The following ISG20 variants were observed in gnomAD, a reference collection of about 807,000 sequenced individuals.
The protein encoded by ISG20 is interferon-stimulated gene 20 kDa protein.
In ISG20, 8 loss-of-function variants were observed where a neutral mutation model predicts 11.1. The ratio of observed to expected loss-of-function variants is 0.72; its 90% CI spans 0.42 to 1.30. The LOEUF (loss-of-function observed/expected upper bound fraction) is 1.30. Among genes scored for constraint, ISG20 ranks in the 50% most tolerant of loss-of-function variants. The probability of loss-of-function intolerance (pLI) is 0.01; values close to 1 mark genes in which losing one functional copy is unlikely to be tolerated. For synonymous variants in ISG20, 110 were observed against 101.7 expected (o/e 1.08, Z -0.49); for missense variants, 243 against 250.2 (o/e 0.97, Z 0.19).
chr15:88,654,531 C>T (rs538692560), intron 3 of ISG20, among the ~76,000 whole-genome samples: 4 of 152,218 alleles, frequency 2.6e-5, no homozygotes, highest in East Asian at 1.9e-4. Flanking sequence ...TCCAACAGCC[C>T]GCTGGCTCCC....
chr15:88,655,556 G>A lies in ISG20; in HGVS notation c.*25G>A. On this transcript the variant is annotated 3_prime_UTR_variant, in exon 4 of 4. Transcript: ENST00000306072. ...AAGCCCCATCCAGCCCGTTCCGCAG[G>A]GACTAGAGGCTTTCGGCTTTTTGGG... 2 of 1,556,890 alleles carry A rather than the reference G, an allele frequency of 1.3e-6. No homozygotes were observed. Among genetic ancestry groups the A allele is most frequent in the Non-Finnish European group, 1.7e-6 (2 of 1,145,226 alleles).
At chr15:88,654,141 G>C (rs534988897) in intron 3 of ISG20, among the ~76,000 whole-genome samples, 1 of 152,152 alleles carries the variant, frequency 6.6e-6, no homozygotes, top group African/African-American at 2.4e-5. Flanking sequence ...GGTAATAAAG[G>C]GTGCTGGTGC....
chr15:88,642,457 T>G (rs922383305), intron 2 of ISG20, among the ~76,000 whole-genome samples: 1 of 152,206 alleles, frequency 6.6e-6, no homozygotes, highest in African/African-American at 2.4e-5. Flanking sequence ...AGATGGAATA[T>G]GGGACAACTG....
In ISG20 at chr15:88,643,401, T is replaced by C. The variant is rs1596047945; in HGVS notation, c.228+3807T>C. ...TACGTTTTGAAACATGGCTGTTGGGTGATATAAAATTACATTTGTGGGCCA... is the reference window on the plus strand; with the variant it reads ...TACGTTTTGAAACATGGCTGTTGGGCGATATAAAATTACATTTGTGGGCCA... On this transcript the variant is annotated intron_variant, in intron 2 of 3. Transcript: ENST00000306072. The surrounding 1 kb of genome is among the most constrained non-coding windows in gnomAD (Gnocchi z 4.4). 6.6e-6 allele frequency among the ~76,000 whole-genome samples: 1 copy of C among 151,926 alleles called. No individual in the cohort carries two copies. Among genetic ancestry groups the C allele is most frequent in the African/African-American group, 2.4e-5 (1 of 41,394 alleles).
rs1364178222 is a variant in ISG20 at position 88,643,527 on chromosome 15, A to T, written c.228+3933A>T. On this transcript the variant is annotated intron_variant, in intron 2 of 3. Coordinates refer to ENST00000306072, the MANE Select transcript of ISG20 (RefSeq NM_002201.6). This position sits in a 1 kb window ranked among gnomAD's most constrained non-coding sequence, Gnocchi z 4.4. ...AAGACCAGCCTGGCCAACATGGTGA[A>T]AACCCATCTCTACTGAAAATGCAAA... Among the ~76,000 whole-genome samples, 2 of 152,100 alleles carry T rather than the reference A, an allele frequency of 1.3e-5. No homozygotes were observed. The highest frequency in any genetic ancestry group is 2.9e-5 in the Non-Finnish European group (2 of 68,022).
rs1166483506 is a variant in ISG20 at position 88,639,084 on chromosome 15, C to T, written c.-25+8C>T. On this transcript the variant is annotated splice_region_variant and intron_variant, in intron 1 of 3. Transcript: ENST00000306072. This position sits in a 1 kb window ranked among gnomAD's most constrained non-coding sequence, Gnocchi z 4.2. ...GGGCGCAGAGGCAGGCAGGTGAGAG[C>T]GGGAGCTGGAGCAGCAGCTGGGGAG... 3.8e-6 allele frequency: 2 copies of T among 530,010 alleles called. No individual in the cohort carries two copies. Among genetic ancestry groups the T allele is most frequent in the Non-Finnish European group, 6.7e-6 (2 of 297,488 alleles). 32.8% of individuals were successfully genotyped at this position (530,010 alleles called of 1,614,324 possible).
In ISG20 at chr15:88,639,111, C is replaced by T. The variant is rs2058034200; in HGVS notation, c.-25+35C>T. On this transcript the variant is annotated intron_variant, in intron 1 of 3. Coordinates refer to ENST00000306072, the MANE Select transcript of ISG20 (RefSeq NM_002201.6). The surrounding 1 kb of genome is among the most constrained non-coding windows in gnomAD (Gnocchi z 4.2). ...GGAGCTGGAGCAGCAGCTGGGGAGGCAGCGGGAGGGGCCTTCCCGGTCCCC... is the reference window on the plus strand; with the variant it reads ...GGAGCTGGAGCAGCAGCTGGGGAGGTAGCGGGAGGGGCCTTCCCGGTCCCC... The T allele has an allele frequency of 5.4e-6, 3 of 554,564 alleles. No individual in the cohort carries two copies. The highest frequency in any genetic ancestry group is 6.8e-5 in the Admixed American group (2 of 29,366). The allele number at this position is 554,564 out of a possible 1,614,324, so 34.4% of individuals were successfully genotyped here.
Position 88,639,380 on chromosome 15 carries a change from G to C in ISG20, c.14G>C (p.Arg5Pro), listed in dbSNP as rs202155196. 158 of 1,612,428 alleles carry C rather than the reference G, an allele frequency of 9.8e-5. No individual in the cohort carries two copies. Among genetic ancestry groups the C allele is most frequent in the Non-Finnish European group, 1.3e-4 (155 of 1,179,150 alleles). The change falls in exon 2 of 4, where the codon CGT becomes CCT. Residue 5 changes from arginine (R) to proline (P), a missense_variant. Physicochemically the swap from Arg to Pro is moderately radical, Grantham distance 103. Coordinates refer to ENST00000306072, the MANE Select transcript of ISG20 (RefSeq NM_002201.6). This position sits in a 1 kb window ranked among gnomAD's most constrained non-coding sequence, Gnocchi z 4.2. ...TCCCCAAGGAACATGGCTGGGAGCCGTGAGGTGGTGGCCATGGACTGCGAG... is the reference window on the plus strand; with the variant it reads ...TCCCCAAGGAACATGGCTGGGAGCCCTGAGGTGGTGGCCATGGACTGCGAG... MAGS[R>P]EVVAMDCEMV...
At chr15:88,637,856 A>C (rs2058010046), upstream of ISG20, among the ~76,000 whole-genome samples, 1 of 152,212 alleles carries the variant, frequency 6.6e-6, no homozygotes, top group Non-Finnish European at 1.5e-5. Flanking sequence ...AAATCAGGGT[A>C]ACCTTTATGC....
intron 3 of ISG20, among the ~76,000 whole-genome samples, 197 bp downstream of exon 3, chr15:88,652,507 CCCCTCCTCCTT>C (rs2058301288): frequency 7.1e-5 from 1 of 14,170 alleles, no homozygotes; most frequent in African/African-American, 2.9e-4. Flanking sequence ...CCTCCTCCTT[CCCCTCCTCCTT>C]CCCCTCCTCC....
chr15:88,640,315 C>T (rs974342003), intron 2 of ISG20, among the ~76,000 whole-genome samples: 4 of 152,204 alleles, frequency 2.6e-5, no homozygotes, highest in African/African-American at 9.6e-5. Flanking sequence ...CAGCAGCACA[C>T]ACCCAATCCG....
At chr15:88,636,492 A>G (rs567928017), upstream of ISG20, among the ~76,000 whole-genome samples, 9 of 152,292 alleles carry the variant, frequency 5.9e-5, no homozygotes, top group East Asian at 9.7e-4. Flanking sequence ...AACAAGTAAA[A>G]TACAGTTTCA....
intron 2 of ISG20, among the ~76,000 whole-genome samples, chr15:88,642,382 CAT>C (rs1056957841): frequency 6.6e-6 from 1 of 152,220 alleles, no homozygotes; most frequent in African/African-American, 2.4e-5. Context: ...AGGATTTTAA[CAT>C]ATGAATTTGA....
In ISG20 at chr15:88,652,225, T is replaced by G; in HGVS notation, c.344T>G (p.Leu115Arg). Residue 115 changes from leucine (L) to arginine (R), a missense_variant, in exon 3 of 4, where the codon CTG (leucine) becomes CGG (arginine). Transcript: ENST00000306072. ...YTIYDTSTDR[L>R]LWREAKLDHC... ...ATCTACGACACGTCCACTGACAGGC[T>G]GTTGTGGCGTGAGGCCAAGCTGGAC... 4.3e-6 allele frequency: 7 copies of G among 1,614,028 alleles called. No individual in the cohort carries two copies. Among genetic ancestry groups the G allele is most frequent in the Non-Finnish European group, 5.9e-6 (7 of 1,179,966 alleles).
upstream of ISG20, among the ~76,000 whole-genome samples, chr15:88,638,374 G>A (rs923341049): frequency 6.6e-6 from 1 of 152,220 alleles, no homozygotes; most frequent in African/African-American, 2.4e-5. Flanking sequence ...TGGACCCAAG[G>A]AAGTGTGGCC....
intron 2 of ISG20, among the ~76,000 whole-genome samples, chr15:88,644,854 G>A (rs1017742089): frequency 2.0e-5 from 3 of 152,142 alleles, no homozygotes; most frequent in African/African-American, 7.2e-5. Context: ...AGACAGAAAG[G>A]GGCAGAGGAG....
At chr15:88,647,997 C>T (rs1361207449) in intron 2 of ISG20, 1 of 152,166 alleles carries the variant, frequency 6.6e-6, no homozygotes, top group Non-Finnish European at 1.5e-5. Flanking sequence ...CCAGATTTGC[C>T]CCAGGGTAAG....
intron 2 of ISG20, among the ~76,000 whole-genome samples, chr15:88,641,371 C>T (rs2058078013): frequency 6.6e-6 from 1 of 152,102 alleles, no homozygotes; most frequent in Admixed American, 6.5e-5. Flanking sequence ...GCTGCCATAA[C>T]AAAGCACCAC....
At chr15:88,638,403 C>T (rs2058019138), upstream of ISG20, among the ~76,000 whole-genome samples, 1 of 152,186 alleles carries the variant, frequency 6.6e-6, no homozygotes, top group South Asian at 2.1e-4. Flanking sequence ...GGGGCCTCCC[C>T]GAAGGCCTGC....
Sources: allele counts gnomAD v4.1 joint callset (sites outside exome capture counted in the v4.1 genomes callset), GRCh38; gene constraint gnomAD v4.1.1; non-coding constraint Gnocchi (gnomAD v3.1); transcripts MANE v1.5; gene names NCBI Gene and HGNC (gene_info 2026-07-23, HGNC 2026-07-21).